MERTK: variants seen among roughly 807,000 people sequenced by gnomAD.
MERTK encodes the protein tyrosine-protein kinase Mer.
In MERTK, 69 loss-of-function variants were observed where a neutral mutation model predicts 99.3. That is an observed-to-expected ratio of 0.70 (90% CI 0.57 to 0.85). MERTK has a LOEUF of 0.85. MERTK is among the 40% of genes least tolerant of loss of function. The pLI, the probability that MERTK is intolerant of heterozygous loss-of-function variation, is 0.00. For synonymous variants in MERTK, 426 were observed against 467.6 expected, an observed-to-expected ratio of 0.91 and a Z score of 1.15; for missense variants, 1,125 against 1,249.4, an observed-to-expected ratio of 0.90 and a Z score of 1.50.
chr2:112,008,561 A>G, intron 14 of MERTK, 86 bp downstream of exon 14: 1 of 961,412 alleles, frequency 1.0e-6, no homozygotes, highest in South Asian at 1.3e-5. Flanking sequence ...TGGTGTAGAT[A>G]AGTTTACACT....
intron 18 of MERTK, among the ~76,000 whole-genome samples, chr2:112,023,446 A>G (rs1051972746): frequency 2.6e-5 from 4 of 152,066 alleles, no homozygotes; most frequent in African/African-American, 9.7e-5. Context: ...ATAATAAAAT[A>G]AAGTGCTCCC....
chr2:111,946,115 G>C lies in MERTK; in HGVS notation c.583+1055G>C, dbSNP rs141805444. 1.1e-3 allele frequency among the ~76,000 whole-genome samples: 165 copies of C among 152,248 alleles called. 3 individuals are homozygous for C. In the East Asian group the frequency reaches 0.031, roughly 29 times the overall value. On this transcript the variant is annotated intron_variant, in intron 3 of 18. Transcript: ENST00000295408. Reference sequence around the variant, plus strand: ...GAGTGAGTGGGGAAGACAGAGGGGAGGGGGAAGAGACTCCCTCAGAGGAGT... The same window carrying C: ...GAGTGAGTGGGGAAGACAGAGGGGACGGGGAAGAGACTCCCTCAGAGGAGT...
intron 13 of MERTK, among the ~76,000 whole-genome samples, chr2:112,007,456 A>G (rs1417761230): frequency 6.6e-6 from 1 of 152,126 alleles, no homozygotes; most frequent in Non-Finnish European, 1.5e-5. Flanking sequence ...GCCCAGCCCC[A>G]AGACTTTTCA....
chr2:111,920,050 A>C (rs540655862), intron 1 of MERTK, among the ~76,000 whole-genome samples: 155 of 152,170 alleles, frequency 1.0e-3, no homozygotes, highest in Non-Finnish European at 1.7e-3. Flanking sequence ...TGAAATCCCT[A>C]GTGCTGTGGC....
chr2:112,019,336 T>C (rs533583049), intron 15 of MERTK, 77 bp from the exon 16 acceptor site: 50 of 997,988 alleles, frequency 5.0e-5, no homozygotes, highest in African/African-American at 2.2e-4. Flanking sequence ...AAGCATCCTT[T>C]CCCCCCCCGG....
Position 111,923,816 on chromosome 2 carries a change from CAG to C in MERTK, c.62-5303_62-5302del, listed in dbSNP as rs907446007. On this transcript the variant is annotated intron_variant, in intron 1 of 18. Coordinates refer to ENST00000295408, the MANE Select transcript of MERTK (RefSeq NM_006343.3). ...GTATTCCACTTCTGTGGGGGAAAAA[CAG>C]GGGGAAAAGATACGTTATACAACCA... 1.2e-4 allele frequency among the ~76,000 whole-genome samples: 18 copies of C among 152,218 alleles called. 1 individual carries two copies. The highest frequency in any genetic ancestry group is 5.8e-4 in the East Asian group (3 of 5,188).
At chr2:112,025,485 A>C (rs2104427305) in intron 18 of MERTK, among the ~76,000 whole-genome samples, 1 of 152,226 alleles carries the variant, frequency 6.6e-6, no homozygotes, top group South Asian at 2.1e-4. Flanking sequence ...ACCCCAGCTT[A>C]TATCCACCTT....
At chr2:112,009,572 G>A (rs894695446) in intron 14 of MERTK, among the ~76,000 whole-genome samples, 5 of 152,284 alleles carry the variant, frequency 3.3e-5, no homozygotes, top group Middle Eastern at 3.4e-3. Context: ...GGGTTGTAGC[G>A]TTAAGGAATC....
At chr2:112,000,272 T>A (rs556470329) in intron 10 of MERTK, among the ~76,000 whole-genome samples, 1 of 152,346 alleles carries the variant, frequency 6.6e-6, no homozygotes, top group East Asian at 1.9e-4. Flanking sequence ...TTTGTTACAG[T>A]TAATGAGCCA....
Position 112,008,377 on chromosome 2 carries a change from C to T in MERTK, c.1868-6C>T. The T allele has an allele frequency of 6.2e-7, 1 of 1,609,592 alleles. No individual in the cohort carries two copies. Among genetic ancestry groups the T allele is most frequent in the South Asian group, 1.1e-5 (1 of 91,002 alleles). ...CATACTTAACCTTTTCTATTTTCTC[C>T]TCTAGTGGACAACTCTTCACAGCGG... On this transcript the variant is annotated splice_polypyrimidine_tract_variant and splice_region_variant and intron_variant, in intron 13 of 18. Coordinates refer to ENST00000295408, the MANE Select transcript of MERTK (RefSeq NM_006343.3).
At chr2:112,019,114 T>C (rs922554506) in intron 15 of MERTK, among the ~76,000 whole-genome samples, 7 of 152,122 alleles carry the variant, frequency 4.6e-5, no homozygotes, top group African/African-American at 1.7e-4. Flanking sequence ...CTCTGAAGGA[T>C]ACACGGAAGG....
chr2:111,898,842 A>T (rs1006411295), intron 1 of MERTK, 46 bp downstream of exon 1: 13 of 1,544,786 alleles, frequency 8.4e-6, no homozygotes, highest in Non-Finnish European at 1.0e-5. Flanking sequence ...GGGGGCTCCC[A>T]GGAGGAAGCA....
At chr2:111,962,813 A>G (rs900966740) in intron 4 of MERTK, among the ~76,000 whole-genome samples, 4 of 152,044 alleles carry the variant, frequency 2.6e-5, no homozygotes, top group African/African-American at 4.8e-5. Flanking sequence ...CAATTTCTCA[A>G]ACTTTCCTTG....
intron 1 of MERTK, among the ~76,000 whole-genome samples, chr2:111,910,450 A>T (rs573819382): frequency 1.1e-3 from 165 of 151,790 alleles, no homozygotes; most frequent in African/African-American, 3.8e-3. Context: ...TTGTATTTTT[A>T]TTTGAGATGG....
At chr2:111,910,544 A>G (rs927317340) in intron 1 of MERTK, among the ~76,000 whole-genome samples, 1 of 151,708 alleles carries the variant, frequency 6.6e-6, no homozygotes, top group African/African-American at 2.4e-5. Flanking sequence ...TTCTGGGATT[A>G]CAGGCATGAG....
intron 8 of MERTK, among the ~76,000 whole-genome samples, chr2:111,985,099 G>A (rs989586373): frequency 6.6e-6 from 1 of 152,148 alleles, no homozygotes; most frequent in African/African-American, 2.4e-5. Flanking sequence ...CAAACAAAAG[G>A]CAAAGGGAAT....
chr2:111,943,297 G>A (rs1684897302), intron 2 of MERTK, among the ~76,000 whole-genome samples: 1 of 152,164 alleles, frequency 6.6e-6, no homozygotes, highest in African/African-American at 2.4e-5. Flanking sequence ...CGTTCCCCTG[G>A]TCATGGTCTT....
chr2:111,928,386 T>C (rs563703509), intron 1 of MERTK, among the ~76,000 whole-genome samples: 2 of 151,620 alleles, frequency 1.3e-5, no homozygotes, highest in African/African-American at 4.8e-5. Flanking sequence ...CCAACACATC[T>C]GGCTAATTTT....
intron 2 of MERTK, chr2:111,940,497 A>G: frequency 1.7e-6 from 1 of 585,026 alleles, no homozygotes; most frequent in South Asian, 1.4e-5. Context: ...CTAAAGCAAC[A>G]GGCAAGCCCT....
Sources: gnomAD v4.1 joint callset for allele counts (sites outside exome capture counted in the v4.1 genomes callset) on GRCh38, gnomAD v4.1.1 for gene constraint, MANE v1.5 for transcripts, NCBI Gene and HGNC (gene_info 2026-07-23, HGNC 2026-07-21) for gene names.